Variants in TEK observed in about 807,000 individuals in gnomAD.
The protein encoded by TEK is angiopoietin-1 receptor.
A neutral mutation model predicts 131.8 loss-of-function variants in TEK; 43 were observed. That is an observed-to-expected ratio of 0.33 (90% CI 0.26 to 0.42). The LOEUF (loss-of-function observed/expected upper bound fraction) is 0.42, where lower values mean the gene tolerates loss of function less well. Among genes scored for constraint, TEK ranks in the 10% least tolerant of loss-of-function variants. The pLI is 1.00. For synonymous variants in TEK, 580 were observed against 491.6 expected (o/e 1.18, Z -2.38); for missense variants, 1,162 against 1,384.4 (o/e 0.84, Z 2.55).
intron 1 of TEK, among the ~76,000 whole-genome samples, chr9:27,109,895 A>T (rs758756214): frequency 2.0e-5 from 3 of 152,152 alleles, no homozygotes; most frequent in Non-Finnish European, 4.4e-5. Context: ...AGGACCGATT[A>T]AATCATCTTA....
Position 27,229,937 on chromosome 9 carries a change from T to C in TEK, c.*705T>C, listed in dbSNP as rs1451871432. ...TATACATAAGTTTAGGATAAAATAA[T>C]GGGATTTTCTTTTCTTTTCTCTGGT... On this transcript the variant is annotated 3_prime_UTR_variant, in exon 23 of 23. Transcript: ENST00000380036. The C allele has an allele frequency of 6.6e-6, 1 of 152,278 alleles. No individual in the cohort carries two copies. The allele number at this position is 152,278 out of a possible 1,614,324, so 9.4% of individuals were successfully genotyped here.
chr9:27,203,942 A>G (rs1208877647), intron 13 of TEK, among the ~76,000 whole-genome samples: 4 of 152,238 alleles, frequency 2.6e-5, no homozygotes, highest in African/African-American at 9.6e-5. Flanking sequence ...AGTCGCTTTA[A>G]CAGTGCTGAT....
intron 12 of TEK, among the ~76,000 whole-genome samples, chr9:27,199,229 C>T (rs911437641): frequency 6.6e-6 from 1 of 152,194 alleles, no homozygotes; most frequent in Non-Finnish European, 1.5e-5. Context: ...ATTTTAACTT[C>T]TGTATAATAT....
intron 7 of TEK, among the ~76,000 whole-genome samples, chr9:27,181,406 T>C (rs536938100): frequency 6.6e-6 from 1 of 152,370 alleles, no homozygotes; most frequent in East Asian, 1.9e-4. Flanking sequence ...CCCATGCAGT[T>C]GAAGCCTGTA....
At chr9:27,118,939 G>C (rs569746953) in intron 1 of TEK, among the ~76,000 whole-genome samples, 7 of 152,312 alleles carry the variant, frequency 4.6e-5, no homozygotes, top group Non-Finnish European at 7.4e-5. Context: ...AAGGAAGCTA[G>C]TCTTTAGTAC....
rs574812871 is a variant in TEK, at chr9:27,111,162, A to T, written c.52+1520A>T. Among the ~76,000 whole-genome samples the T allele has an allele frequency of 8.4e-3, 1,281 of 152,306 alleles. 18 individuals are homozygous for T. Among genetic ancestry groups the T allele is most frequent in the African/African-American group, 0.029 (1,218 of 41,560 alleles). On this transcript the variant is annotated intron_variant, in intron 1 of 22. Coordinates refer to ENST00000380036, the MANE Select transcript of TEK (RefSeq NM_000459.5). ...AAACAAAAAGGTATGTAGCCAAAAT[A>T]CTTGTTCCATGTCTAGACCTCAGAT...
intron 17 of TEK, 90 bp downstream of exon 17, chr9:27,212,987 T>C: frequency 1.4e-6 from 2 of 1,385,688 alleles, no homozygotes; most frequent in Non-Finnish European, 2.0e-6. Flanking sequence ...TGTCAACCTC[T>C]CTTCTTTAAC....
At chr9:27,130,062 T>C (rs998621604) in intron 1 of TEK, among the ~76,000 whole-genome samples, 1 of 152,236 alleles carries the variant, frequency 6.6e-6, no homozygotes, top group African/African-American at 2.4e-5. Context: ...AAAATAATTA[T>C]ACACTTTGTC....
Position 27,206,681 on chromosome 9 carries a change from A to G in TEK, c.2464A>G (p.Asn822Asp), listed in dbSNP as rs928209019. Residue 822 changes from asparagine to aspartate, a missense_variant, in exon 15 of 23, where the codon AAT becomes GAT. Physicochemically the swap from Asn to Asp is conservative, Grantham distance 23. Transcript: ENST00000380036. ...TACAATTTATCCAGTGCTTGACTGGAATGACATCAAATTTCAAGATGTGAT... is the reference window on the plus strand; with the variant it reads ...TACAATTTATCCAGTGCTTGACTGGGATGACATCAAATTTCAAGATGTGAT... Reference protein sequence around the residue: ...DPTIYPVLDWNDIKFQDVIGE... With the variant: ...DPTIYPVLDWDDIKFQDVIGE... 1.2e-6 allele frequency: 2 copies of G among 1,614,114 alleles called. No individual in the cohort carries two copies. Among genetic ancestry groups the G allele is most frequent in the Non-Finnish European group, 8.5e-7 (1 of 1,180,006 alleles).
intron 2 of TEK, among the ~76,000 whole-genome samples, chr9:27,162,576 A>T (rs970881787): frequency 5.3e-5 from 8 of 152,232 alleles, no homozygotes; most frequent in Non-Finnish European, 1.2e-4. Context: ...TAAGAATATC[A>T]AACTTCCCAA....
At chr9:27,174,375 A>G (rs1824084628) in intron 6 of TEK, among the ~76,000 whole-genome samples, 1 of 152,222 alleles carries the variant, frequency 6.6e-6, no homozygotes, top group South Asian at 2.1e-4. Context: ...AGCCATCCAC[A>G]TATAGAATTT....
intron 1 of TEK, among the ~76,000 whole-genome samples, chr9:27,138,324 G>A: frequency 6.6e-6 from 1 of 152,306 alleles, no homozygotes; most frequent in East Asian, 1.9e-4. Context: ...TTTGCAGAGA[G>A]CTGATTGGTC....
chr9:27,142,107 A>T (rs1341736170), intron 1 of TEK, among the ~76,000 whole-genome samples: 6 of 152,182 alleles, frequency 3.9e-5, no homozygotes. Context: ...AAAGGTAAAA[A>T]TTTGCAGTAG....
chr9:27,193,972 T>C (rs1308449482), intron 11 of TEK, among the ~76,000 whole-genome samples: 1 of 152,120 alleles, frequency 6.6e-6, no homozygotes, highest in African/African-American at 2.4e-5. Context: ...ATCTGGCTAC[T>C]TCAAAAAATT....
intron 1 of TEK, among the ~76,000 whole-genome samples, chr9:27,126,148 T>C (rs1821980426): frequency 6.6e-6 from 1 of 152,236 alleles, no homozygotes; most frequent in African/African-American, 2.4e-5. Context: ...ATTTGTGTCT[T>C]GGTGTAAAGA....
At chr9:27,184,300 A>G (rs1379890571) in intron 8 of TEK, among the ~76,000 whole-genome samples, 1 of 152,128 alleles carries the variant, frequency 6.6e-6, no homozygotes, top group Admixed American at 6.6e-5. Context: ...CTCTCTCCCA[A>G]CTATACCAAA....
At chr9:27,129,365 T>G (rs975528109) in intron 1 of TEK, among the ~76,000 whole-genome samples, 8 of 152,192 alleles carry the variant, frequency 5.3e-5, no homozygotes, top group African/African-American at 1.9e-4. Flanking sequence ...AGTAGATATC[T>G]CTCTGTTCTT....
chr9:27,110,057 G>A (rs148953617), intron 1 of TEK, among the ~76,000 whole-genome samples: 5 of 152,136 alleles, frequency 3.3e-5, no homozygotes, highest in African/African-American at 1.2e-4. Context: ...GAGAAATACA[G>A]GGGCCCAATT....
intron 1 of TEK, among the ~76,000 whole-genome samples, chr9:27,115,179 A>G (rs1243688857): frequency 6.6e-6 from 1 of 152,142 alleles, no homozygotes; most frequent in Non-Finnish European, 1.5e-5. Context: ...GGGTCCAATG[A>G]TACAAAATGA....
Sources: gnomAD v4.1 joint callset for allele counts (sites outside exome capture counted in the v4.1 genomes callset) on GRCh38, gnomAD v4.1.1 for gene constraint, MANE v1.5 for transcripts, NCBI Gene and HGNC (gene_info 2026-07-23, HGNC 2026-07-21) for gene names.